PPP1R11: variants seen among roughly 807,000 people sequenced by gnomAD.
PPP1R11 encodes E3 ubiquitin-protein ligase PPP1R11.
Under a neutral mutation model 11.3 loss-of-function variants are expected in PPP1R11, and 10 were observed. The ratio of observed to expected loss-of-function variants is 0.88; its 90% CI spans 0.55 to 1.50. The LOEUF is 1.50. Ranked by LOEUF, PPP1R11 falls within the 40% of genes most tolerant of loss-of-function variation. The probability of loss-of-function intolerance (pLI) is 0.00; values close to 1 mark genes in which losing one functional copy is unlikely to be tolerated. For missense variants in PPP1R11, 114 were observed against 179.1 expected (o/e 0.64, Z 2.07); for synonymous variants, 56 against 62.3 (o/e 0.90, Z 0.48).
At position 30,067,213 on chromosome 6, in the gene PPP1R11, G is replaced by T; in HGVS notation, c.-198G>T. ...TGCAGTATGCGTCACACCCGGAAGCGGCGAGCCGGAAGTGGGGTTAGCCAG... is the reference window on the plus strand; with the variant it reads ...TGCAGTATGCGTCACACCCGGAAGCTGCGAGCCGGAAGTGGGGTTAGCCAG... On this transcript the variant is annotated 5_prime_UTR_variant, in exon 1 of 3. Transcript: ENST00000376772. The T allele has an allele frequency of 1.8e-6, 1 of 543,216 alleles. No homozygotes were observed. Among genetic ancestry groups the T allele is most frequent in the Non-Finnish European group, 3.3e-6 (1 of 301,632 alleles). 33.6% of individuals were successfully genotyped at this position (543,216 alleles called of 1,614,324 possible).
At chr6:30,068,282 G>A in intron 1 of PPP1R11, 1 of 238,060 alleles carries the variant, frequency 4.2e-6, no homozygotes, top group Non-Finnish European at 8.1e-6. Flanking sequence ...TACCAAGGAT[G>A]ATTTGGGGAG....
upstream of PPP1R11, among the ~76,000 whole-genome samples, chr6:30,063,460 T>C (rs989249350): frequency 1.3e-5 from 2 of 151,694 alleles, no homozygotes; most frequent in African/African-American, 4.8e-5. The surrounding 1 kb of genome is among the most constrained non-coding windows in gnomAD (Gnocchi z 4.1). Flanking sequence ...CAAATCTCCT[T>C]AATTTTTAAA....
Position 30,067,422 on chromosome 6 carries a change from A to G in PPP1R11, c.12A>G (p.Ala4=), listed in dbSNP as rs1363357805. The G allele has an allele frequency of 3.1e-6, 5 of 1,614,084 alleles. No homozygotes were observed. Among genetic ancestry groups the G allele is most frequent in the Admixed American group, 1.7e-5 (1 of 60,014 alleles). Residue 4 remains alanine, a synonymous_variant, in exon 1 of 3, where the codon GCA becomes GCG. Coordinates refer to ENST00000376772, the MANE Select transcript of PPP1R11 (RefSeq NM_021959.3). MAE[A]GAGLSETVTE... is the part of the protein sequence containing the mutation. The stretch of plus-strand genomic sequence containing the variant: ...CCTGAGCCTTAGCCATGGCCGAGGC[A>G]GGGGCTGGGCTGAGCGAGACCGTCA...
upstream of PPP1R11, among the ~76,000 whole-genome samples, chr6:30,062,714 C>CTTTTTTTTTTTTTTTTT (rs9278555): frequency 4.7e-5 from 2 of 42,388 alleles, no homozygotes; most frequent in African/African-American, 1.0e-4. Flanking sequence ...CCACGCCTGG[C>CTTTTTTTTTTTTTTTTT]TTTTTTTTTT....
At chr6:30,064,782 C>T, upstream of PPP1R11, 1 of 1,277,906 alleles carries the variant, frequency 7.8e-7, no homozygotes, top group East Asian at 2.4e-5. Flanking sequence ...TCCATCCTGT[C>T]TGGTTGCAAT....
upstream of PPP1R11, chr6:30,061,942 T>G: frequency 2.5e-6 from 4 of 1,613,056 alleles, no homozygotes; most frequent in African/African-American, 1.3e-5. The surrounding 1 kb of genome is among the most constrained non-coding windows in gnomAD (Gnocchi z 5.0). Context: ...TTGTGAAGAC[T>G]TCGGTTGTGT....
At position 30,068,571 on chromosome 6, in the gene PPP1R11, C is replaced by G. The variant is rs970563518; in HGVS notation, c.70-19C>G. On this transcript the variant is annotated intron_variant, in intron 1 of 2. Coordinates refer to ENST00000376772, the MANE Select transcript of PPP1R11 (RefSeq NM_021959.3). The stretch of plus-strand genomic sequence containing the variant: ...AGTAAGAGGGGACTAGATAGGTATG[C>G]TCATCCTTAACCTTCTAGGAGAACC... The G allele has an allele frequency of 6.2e-7, 1 of 1,601,614 alleles. No homozygotes were observed. Among genetic ancestry groups the G allele is most frequent in the Non-Finnish European group, 8.5e-7 (1 of 1,171,618 alleles).
chr6:30,061,477 TCTCTC>T, the PPP1R11 span: 11 of 1,604,076 alleles, frequency 6.9e-6, no homozygotes, highest in Non-Finnish European at 9.4e-6. The surrounding 1 kb of genome is among the most constrained non-coding windows in gnomAD (Gnocchi z 5.0). Flanking sequence ...CAGGAACTCT[TCTCTC>T]TTTTGTTAAT....
At position 30,069,207 on chromosome 6, in the gene PPP1R11, C is replaced by T. The variant is rs887958117; in HGVS notation, c.282C>T (p.His94=). Residue 94 remains histidine (H), a synonymous_variant, in exon 3 of 3, where the codon CAC becomes CAT. Transcript: ENST00000376772. This position sits in a 1 kb window ranked among gnomAD's most constrained non-coding sequence, Gnocchi z 6.6. ...GTCATACACACTGTGTACGTGGCCA[C>T]CGCAAAGGACGGCGTCGTGCAACCC... ...GCGHTHCVRG[H]RKGRRRATLG... 13 of 1,612,824 alleles carry T rather than the reference C, an allele frequency of 8.1e-6. No individual in the cohort carries two copies. The African/African-American group carries it at 1.3e-4, about 17-fold the overall frequency.
At position 30,069,056 on chromosome 6, in the gene PPP1R11, T is replaced by TA; in HGVS notation, c.179-47dup. 1 of 1,504,990 alleles carries TA rather than the reference T, an allele frequency of 6.6e-7. No homozygotes were observed. The highest frequency in any genetic ancestry group is 9.2e-7 in the Non-Finnish European group (1 of 1,084,622). The allele number at this position is 1,504,990 out of a possible 1,614,324, so 93.2% of individuals were successfully genotyped here. A position where few individuals can be genotyped will look rare whatever the true frequency, so the allele number is the denominator to read the frequency against. On this transcript the variant is annotated intron_variant, in intron 2 of 2. Coordinates refer to ENST00000376772, the MANE Select transcript of PPP1R11 (RefSeq NM_021959.3). The surrounding 1 kb of genome is among the most constrained non-coding windows in gnomAD (Gnocchi z 6.6). ...TTGAGTGGGAATGGAACTGACTATA[T>TA]ATCTTACCCTTCCTCCTCTTTAACT...
chr6:30,067,373 CCCCCTT>C lies in PPP1R11; in HGVS notation c.-35_-30del. The C allele has an allele frequency of 1.3e-6, 2 of 1,593,312 alleles. No homozygotes were observed. Among genetic ancestry groups the C allele is most frequent in the Non-Finnish European group, 1.7e-6 (2 of 1,161,714 alleles). On this transcript the variant is annotated 5_prime_UTR_variant, in exon 1 of 3. Coordinates refer to ENST00000376772, the MANE Select transcript of PPP1R11 (RefSeq NM_021959.3). ...ACAGAAAAAGGGAAGGGTGTCTCATCCCCCTTCCTCCTCTCCTCCCTGTCCTGAGCC... is the reference window on the plus strand; with the variant it reads ...ACAGAAAAAGGGAAGGGTGTCTCATCCCTCCTCTCCTCCCTGTCCTGAGCC...
In PPP1R11 at chr6:30,069,031, T is replaced by C. The variant is rs1765735658; in HGVS notation, c.179-73T>C. The stretch of plus-strand genomic sequence containing the variant: ...GAGAAAATAGGAATTTTCACTGAGT[T>C]TGAGTGGGAATGGAACTGACTATAT... On this transcript the variant is annotated intron_variant, in intron 2 of 2. Coordinates refer to ENST00000376772, the MANE Select transcript of PPP1R11 (RefSeq NM_021959.3). The surrounding 1 kb of genome is among the most constrained non-coding windows in gnomAD (Gnocchi z 6.6). 7.0e-7 allele frequency: 1 copy of C among 1,429,762 alleles called. No homozygotes were observed. The highest frequency in any genetic ancestry group is 1.4e-5 in the African/African-American group (1 of 70,510). The allele number at this position is 1,429,762 out of a possible 1,614,324, so 88.6% of individuals were successfully genotyped here. A position where few individuals can be genotyped will look rare whatever the true frequency, so the allele number is the denominator to read the frequency against.
Position 30,069,078 on chromosome 6 carries a change from A to G in PPP1R11, c.179-26A>G, listed in dbSNP as rs749183597. On this transcript the variant is annotated intron_variant, in intron 2 of 2. Coordinates refer to ENST00000376772, the MANE Select transcript of PPP1R11 (RefSeq NM_021959.3). The surrounding 1 kb of genome is among the most constrained non-coding windows in gnomAD (Gnocchi z 6.6). ...ATATATCTTACCCTTCCTCCTCTTT[A>G]ACTGGGCTCCTCCCTCTAAATCTAG... 3 of 1,551,838 alleles carry G rather than the reference A, an allele frequency of 1.9e-6. No individual in the cohort carries two copies. The highest frequency in any genetic ancestry group is 2.7e-6 in the Non-Finnish European group (3 of 1,125,712).
chr6:30,061,719 C>T (rs758174026), upstream of PPP1R11: 1 of 1,608,694 alleles, frequency 6.2e-7, no homozygotes, highest in Non-Finnish European at 8.5e-7. This position sits in a 1 kb window ranked among gnomAD's most constrained non-coding sequence, Gnocchi z 5.0. Context: ...GGGTCGGAAG[C>T]TTGGGGAACT....
upstream of PPP1R11, chr6:30,062,338 G>T: frequency 6.3e-7 from 1 of 1,587,554 alleles, no homozygotes; most frequent in Non-Finnish European, 8.6e-7. Context: ...CTGCAAGTGA[G>T]TATTCTTTCC....
chr6:30,065,340 A>G (rs1038941048), upstream of PPP1R11, among the ~76,000 whole-genome samples: 1 of 152,152 alleles, frequency 6.6e-6, no homozygotes, highest in African/African-American at 2.4e-5. The surrounding 1 kb of genome is among the most constrained non-coding windows in gnomAD (Gnocchi z 5.3). Context: ...TCTGAGACCC[A>G]TAAGATAGCA....
At chr6:30,061,520 A>G in the PPP1R11 span, 1 of 1,612,810 alleles carries the variant, frequency 6.2e-7, no homozygotes, top group East Asian at 2.2e-5. This position sits in a 1 kb window ranked among gnomAD's most constrained non-coding sequence, Gnocchi z 5.0. Context: ...CTCAGACCCG[A>G]CCGCATGTCT....
upstream of PPP1R11, chr6:30,062,095 A>G (rs1310512595): frequency 5.3e-6 from 8 of 1,496,588 alleles, no homozygotes; most frequent in Non-Finnish European, 6.5e-6. Flanking sequence ...AGCTCTGGAG[A>G]GTTTTGTGCC....
At chr6:30,066,484 C>T (rs983724242), upstream of PPP1R11, among the ~76,000 whole-genome samples, 2 of 152,190 alleles carry the variant, frequency 1.3e-5, no homozygotes, top group Non-Finnish European at 2.9e-5. Context: ...CCAGAGAGAA[C>T]GAATATGTTG....
Sources: allele counts gnomAD v4.1 joint callset (sites outside exome capture counted in the v4.1 genomes callset), GRCh38; gene constraint gnomAD v4.1.1; non-coding constraint Gnocchi (gnomAD v3.1); transcripts MANE v1.5; gene names NCBI Gene and HGNC (gene_info 2026-07-23, HGNC 2026-07-21).